Variants in ATP8A1 observed in about 807,000 individuals in gnomAD.
ATP8A1 encodes the protein phospholipid-transporting ATPase IA.
Under a neutral mutation model 177.7 loss-of-function variants are expected in ATP8A1, and 90 were observed. That is an observed-to-expected ratio of 0.51 (90% CI 0.43 to 0.60). ATP8A1 has a LOEUF of 0.60. Among genes scored for constraint, ATP8A1 ranks in the 20% least tolerant of loss-of-function variants. The pLI, the probability that ATP8A1 is intolerant of heterozygous loss-of-function variation, is 0.00. For missense variants in ATP8A1, 1,072 were observed against 1,392.8 expected, an observed-to-expected ratio of 0.77 and a Z score of 3.67; for synonymous variants, 493 against 485.9, an observed-to-expected ratio of 1.01 and a Z score of -0.19.
At chr4:42,426,689 GATCTGTCCC>G (rs1404671368) in intron 33 of ATP8A1, among the ~76,000 whole-genome samples, 7 of 152,310 alleles carry the variant, frequency 4.6e-5, no homozygotes, top group African/African-American at 1.7e-4. Flanking sequence ...TCTTTCCAGT[GATCTGTCCC>G]ATGAGCTTCA....
At chr4:42,532,109 T>TAC (rs1256940844) in intron 20 of ATP8A1, among the ~76,000 whole-genome samples, 5 of 150,486 alleles carry the variant, frequency 3.3e-5, no homozygotes, top group African/African-American at 7.3e-5. Context: ...CTCAAAAAAA[T>TAC]ACACACACAC....
intron 35 of ATP8A1, among the ~76,000 whole-genome samples, chr4:42,421,469 C>A (rs1713918205): frequency 6.6e-6 from 1 of 152,092 alleles, no homozygotes; most frequent in Non-Finnish European, 1.5e-5. Flanking sequence ...CCAGTTTCCT[C>A]ATCTGGAAAA....
chr4:42,412,800 G>C lies in ATP8A1; in HGVS notation c.*116C>G. The C allele has an allele frequency of 2.6e-6, 2 of 767,914 alleles. No individual in the cohort carries two copies. Among genetic ancestry groups the C allele is most frequent in the Non-Finnish European group, 4.3e-6 (2 of 460,188 alleles). 47.6% of individuals were successfully genotyped at this position (767,914 alleles called of 1,614,324 possible). ...ATCTGAATGTCCATCAGCGAGATGA[G>C]CTCAGATCTACCTTTCCTCTTCATG... On this transcript the variant is annotated 3_prime_UTR_variant, in exon 37 of 37. Coordinates refer to ENST00000381668, the MANE Select transcript of ATP8A1 (RefSeq NM_006095.2).
intron 23 of ATP8A1, 35 bp downstream of exon 23, chr4:42,506,981 G>GTT: frequency 6.2e-7 from 1 of 1,605,132 alleles, no homozygotes; most frequent in African/African-American, 1.3e-5. Context: ...TTATTAAAAA[G>GTT]CACCAACATG....
chr4:42,624,613 T>C lies in ATP8A1; in HGVS notation c.286A>G (p.Thr96Ala). The C allele has an allele frequency of 6.9e-7, 1 of 1,457,282 alleles. No individual in the cohort carries two copies. Among genetic ancestry groups the C allele is most frequent in the Non-Finnish European group, 9.1e-7 (1 of 1,097,946 alleles). The allele number at this position is 1,457,282 out of a possible 1,614,324, so 90.3% of individuals were successfully genotyped here. Residue 96 changes from threonine to alanine, a missense_variant, in exon 4 of 37, where the codon ACA becomes GCA. This residue lies in a region of ATP8A1 where 344 missense variants were observed against 393.5 expected (regional missense o/e 0.87). Transcript: ENST00000381668. ...LLQQIPDVSP[T>A]GRYTTLVPLL... ...GGAACCAGTGTTGTATAACGACCTG[T>C]TGGTGACACATCAGGTATTTGCTGT...
intron 19 of ATP8A1, among the ~76,000 whole-genome samples, chr4:42,545,272 G>C (rs1473457394): frequency 6.6e-6 from 1 of 151,902 alleles, no homozygotes; most frequent in Non-Finnish European, 1.5e-5. Flanking sequence ...CATTTAATTG[G>C]GCCTCCTTTG....
At chr4:42,601,385 G>A (rs200218749) in intron 5 of ATP8A1, among the ~76,000 whole-genome samples, 1 of 126,548 alleles carries the variant, frequency 7.9e-6, no homozygotes, top group Non-Finnish European at 1.7e-5. Flanking sequence ...AAAAAAAAAA[G>A]GCAGAAGAAG....
intron 6 of ATP8A1, 57 bp downstream of exon 6, chr4:42,600,421 C>CTAGAG: frequency 6.9e-7 from 1 of 1,442,130 alleles, no homozygotes; most frequent in Non-Finnish European, 9.4e-7. Flanking sequence ...ATTATATATA[C>CTAGAG]TAGAGTACAC....
chr4:42,602,282 C>G (rs1735360655), intron 5 of ATP8A1, among the ~76,000 whole-genome samples: 1 of 152,182 alleles, frequency 6.6e-6, no homozygotes, highest in African/African-American at 2.4e-5. Context: ...ACACAAGACT[C>G]TAATGCCTGC....
At chr4:42,469,978 C>T (rs1577996603) in intron 25 of ATP8A1, among the ~76,000 whole-genome samples, 1 of 152,212 alleles carries the variant, frequency 6.6e-6, no homozygotes, top group Non-Finnish European at 1.5e-5. Context: ...ACGTATAATT[C>T]TGAAACATCA....
chr4:42,415,920 A>T (rs1713190922), intron 35 of ATP8A1, among the ~76,000 whole-genome samples: 3 of 152,240 alleles, frequency 2.0e-5, no homozygotes, highest in Admixed American at 2.0e-4. Context: ...CATTTGTAGT[A>T]ATCTTCCACA....
intron 24 of ATP8A1, among the ~76,000 whole-genome samples, chr4:42,499,788 C>T (rs1005770070): frequency 5.9e-5 from 9 of 152,236 alleles, no homozygotes; most frequent in Admixed American, 3.3e-4. Flanking sequence ...CAGTGCATTT[C>T]GAAAGAGTTT....
chr4:42,487,025 C>T (rs1011013490), intron 24 of ATP8A1, among the ~76,000 whole-genome samples: 2 of 152,154 alleles, frequency 1.3e-5, no homozygotes, highest in East Asian at 3.8e-4. Context: ...ATCCTCAATG[C>T]TATTGAATTT....
chr4:42,607,647 T>TA (rs1179444726), intron 5 of ATP8A1, among the ~76,000 whole-genome samples: 1 of 145,098 alleles, frequency 6.9e-6, no homozygotes, highest in African/African-American at 2.5e-5. Context: ...TTTTTTTTTT[T>TA]AATGTATTCA....
chr4:42,608,346 C>T (rs1736024117), intron 5 of ATP8A1, among the ~76,000 whole-genome samples: 1 of 150,750 alleles, frequency 6.6e-6, no homozygotes, highest in Non-Finnish European at 1.5e-5. Flanking sequence ...GGGGTGCCCT[C>T]CCCGGGCAAT....
intron 19 of ATP8A1, 138 bp from the exon 20 acceptor site, chr4:42,544,124 A>G: frequency 1.5e-6 from 1 of 657,702 alleles, no homozygotes; most frequent in Non-Finnish European, 2.6e-6. Context: ...TTCCACATAC[A>G]CAAACTATCC....
At chr4:42,420,982 A>T (rs1328187058) in intron 35 of ATP8A1, among the ~76,000 whole-genome samples, 1 of 151,944 alleles carries the variant, frequency 6.6e-6, no homozygotes, top group Non-Finnish European at 1.5e-5. Flanking sequence ...GTTAGCCAGG[A>T]TGGTCTCGAT....
rs146260785 is a variant in ATP8A1 at position 42,543,128 on chromosome 4, AT to A, written c.1722+788del. On this transcript the variant is annotated intron_variant, in intron 20 of 36. Coordinates refer to ENST00000381668, the MANE Select transcript of ATP8A1 (RefSeq NM_006095.2). ...TGCTTTAAAATCAAGGCATTCAAAAATTGCATTTCATTGTCTTTAAACCAAG... is the reference window on the plus strand; with the variant it reads ...TGCTTTAAAATCAAGGCATTCAAAAATGCATTTCATTGTCTTTAAACCAAG... 4.2e-4 allele frequency among the ~76,000 whole-genome samples: 64 copies of A among 152,338 alleles called. 1 individual carries two copies. The highest frequency in any genetic ancestry group is 1.5e-3 in the African/African-American group (62 of 41,582).
chr4:42,467,420 G>A (rs559915284), intron 25 of ATP8A1, among the ~76,000 whole-genome samples: 39 of 152,286 alleles, frequency 2.6e-4, no homozygotes, highest in African/African-American at 7.9e-4. Context: ...CTGGCTGGGC[G>A]TAGTGGCTCA....
Sources: gnomAD v4.1 joint callset for allele counts (sites outside exome capture counted in the v4.1 genomes callset) on GRCh38, gnomAD v4.1.1 for gene constraint, gnomAD v4.1.1 regional missense constraint, MANE v1.5 for transcripts, NCBI Gene and HGNC (gene_info 2026-07-23, HGNC 2026-07-21) for gene names.